Variants in RAD23A observed in about 807,000 individuals in gnomAD.
RAD23A encodes lysine-specific demethylase RAD23A.
RAD23A carries 16 observed loss-of-function variants against 44.8 expected under a neutral mutation model. The ratio of observed to expected loss-of-function variants is 0.36; its 90% CI spans 0.24 to 0.54. RAD23A has a LOEUF of 0.54. Among genes scored for constraint, RAD23A ranks in the 20% least tolerant of loss-of-function variants. RAD23A has a pLI of 0.89. For synonymous variants in RAD23A, 217 were observed against 202.9 expected, an observed-to-expected ratio of 1.07 and a Z score of -0.59; for missense variants, 380 against 483.3, an observed-to-expected ratio of 0.79 and a Z score of 2.00.
chr19:12,950,409 T>C (rs1971777182), intron 7 of RAD23A, among the ~76,000 whole-genome samples: 1 of 151,994 alleles, frequency 6.6e-6, no homozygotes, highest in Admixed American at 6.5e-5. Flanking sequence ...GCACTTTCTT[T>C]TCTTTTTTTT....
At position 12,948,838 on chromosome 19, in the gene RAD23A, G is replaced by T; in HGVS notation, c.600+25G>T. The T allele has an allele frequency of 6.3e-7, 1 of 1,581,770 alleles. No individual in the cohort carries two copies. The highest frequency in any genetic ancestry group is 8.6e-7 in the Non-Finnish European group (1 of 1,167,940). On this transcript the variant is annotated intron_variant, in intron 5 of 8. Transcript: ENST00000586534. This position sits in a 1 kb window ranked among gnomAD's most constrained non-coding sequence, Gnocchi z 5.5. ...GGTGAGGTGGGGCTTCCGCCTCCCGGGGAGGCCTTGAGGGAGTACCCGGGC... is the reference window on the plus strand; with the variant it reads ...GGTGAGGTGGGGCTTCCGCCTCCCGTGGAGGCCTTGAGGGAGTACCCGGGC...
chr19:12,947,381 G>A (rs1971697739), intron 1 of RAD23A, among the ~76,000 whole-genome samples: 1 of 152,194 alleles, frequency 6.6e-6, no homozygotes, highest in African/African-American at 2.4e-5. Flanking sequence ...AGCGATGATC[G>A]TGCCACATCA....
chr19:12,946,020 G>A lies in RAD23A; in HGVS notation c.72G>A (p.Thr24=). 6.3e-7 allele frequency: 1 copy of A among 1,598,946 alleles called. No homozygotes were observed. Among genetic ancestry groups the A allele is most frequent in the Non-Finnish European group, 8.5e-7 (1 of 1,175,074 alleles). The change falls in exon 1 of 9, where the codon ACG becomes ACA. Residue 24 remains threonine (T), a splice_region_variant and synonymous_variant. Transcript: ENST00000586534. ...TFKIRMEPDE[T]VKVLKEKIEA... is the part of the protein sequence containing the mutation. ...AGATCCGCATGGAGCCTGACGAGAC[G>A]GTGCGGGCCGGGCCGGAGCCCGGGG...
rs975838473 is a variant in RAD23A at position 12,948,831 on chromosome 19, C to T, written c.600+18C>T. On this transcript the variant is annotated intron_variant, in intron 5 of 8. Coordinates refer to ENST00000586534, the MANE Select transcript of RAD23A (RefSeq NM_005053.4). The surrounding 1 kb of genome is among the most constrained non-coding windows in gnomAD (Gnocchi z 5.5). The stretch of plus-strand genomic sequence containing the variant: ...TGCTCACGGTGAGGTGGGGCTTCCG[C>T]CTCCCGGGGAGGCCTTGAGGGAGTA... The T allele has an allele frequency of 1.9e-6, 3 of 1,586,208 alleles. No homozygotes were observed. Among genetic ancestry groups the T allele is most frequent in the African/African-American group, 1.4e-5 (1 of 73,552 alleles).
Position 12,948,066 on chromosome 19 carries a change from A to G in RAD23A, c.234+57A>G, listed in dbSNP as rs949760457. 3.1e-6 allele frequency: 5 copies of G among 1,608,224 alleles called. No individual in the cohort carries two copies. Among genetic ancestry groups the G allele is most frequent in the African/African-American group, 2.7e-5 (2 of 74,868 alleles). On this transcript the variant is annotated intron_variant, in intron 2 of 8. Coordinates refer to ENST00000586534, the MANE Select transcript of RAD23A (RefSeq NM_005053.4). The surrounding 1 kb of genome is among the most constrained non-coding windows in gnomAD (Gnocchi z 5.5). ...TGGACGAGCTGGGGAGCTGGCAAAGAGCCTGTGTGCCCAGGAGAGATTAGC... is the reference window on the plus strand; with the variant it reads ...TGGACGAGCTGGGGAGCTGGCAAAGGGCCTGTGTGCCCAGGAGAGATTAGC...
At chr19:12,951,301 C>T (rs1971805336) in intron 7 of RAD23A, among the ~76,000 whole-genome samples, 1 of 152,170 alleles carries the variant, frequency 6.6e-6, no homozygotes, top group South Asian at 2.1e-4. Context: ...AAAAGATCCA[C>T]AGACCACGTC....
At position 12,950,411 on chromosome 19, in the gene RAD23A, C is replaced by CT. The variant is rs890518909; in HGVS notation, c.813+1014dup. ...AGATGACTAAAAAGCACTTTCTTTT[C>CT]TTTTTTTTTTTGAGAGGAAATCTCG... On this transcript the variant is annotated intron_variant, in intron 7 of 8. Transcript: ENST00000586534. Among the ~76,000 whole-genome samples the CT allele has an allele frequency of 5.6e-3, 823 of 147,122 alleles. 6 individuals carry two copies. The highest frequency in any genetic ancestry group is 0.018 in the African/African-American group (712 of 40,368).
At position 12,953,081 on chromosome 19, in the gene RAD23A, C is replaced by G; in HGVS notation, c.*32C>G. ...GAAGCCAGGCCACCGAAGCCCCCAC[C>G]CTACCCTTATTCCATGAAAGTTTTA... On this transcript the variant is annotated 3_prime_UTR_variant, in exon 9 of 9. Transcript: ENST00000586534. The G allele has an allele frequency of 1.3e-6, 2 of 1,491,196 alleles. No homozygotes were observed. The highest frequency in any genetic ancestry group is 1.9e-6 in the Non-Finnish European group (2 of 1,072,166). The allele number at this position is 1,491,196 out of a possible 1,614,324, so 92.4% of individuals were successfully genotyped here.
chr19:12,953,250 C>T lies in RAD23A; in HGVS notation c.*201C>T. 2.4e-6 allele frequency: 1 copy of T among 423,596 alleles called. No individual in the cohort carries two copies. Among genetic ancestry groups the T allele is most frequent in the Non-Finnish European group, 4.1e-6 (1 of 245,006 alleles). 26.2% of individuals were successfully genotyped at this position (423,596 alleles called of 1,614,324 possible). Reference sequence around the variant, plus strand: ...CATCTCCCGGGCCAGACAGCTGTCCCCCCGTCCTCCTCCCCAGCCCAGCCT... The same window carrying T: ...CATCTCCCGGGCCAGACAGCTGTCCTCCCGTCCTCCTCCCCAGCCCAGCCT... On this transcript the variant is annotated 3_prime_UTR_variant, in exon 9 of 9. Transcript: ENST00000586534.
intron 7 of RAD23A, among the ~76,000 whole-genome samples, chr19:12,950,149 A>C (rs1044832755): frequency 2.6e-5 from 4 of 151,408 alleles, no homozygotes; most frequent in Non-Finnish European, 4.4e-5. Flanking sequence ...CTCTCCATCA[A>C]AGTGCTCCCT....
chr19:12,951,169 C>T (rs2974754), intron 7 of RAD23A, among the ~76,000 whole-genome samples: 45,391 of 152,116 alleles, frequency 0.3, 8,589 homozygotes, highest in Middle Eastern at 0.45. Flanking sequence ...GGAATAGAGA[C>T]AGGGTCTATG....
At position 12,948,506 on chromosome 19, in the gene RAD23A, C is replaced by A. The variant is rs774709558; in HGVS notation, c.426C>A (p.Pro142=). 4 of 1,592,862 alleles carry A rather than the reference C, an allele frequency of 2.5e-6. No individual in the cohort carries two copies. Among genetic ancestry groups the A allele is most frequent in the Non-Finnish European group, 2.6e-6 (3 of 1,169,432 alleles). ...TSPESVSGSV[P]SSGSSGREED... ...TCTCTTGAATTTGCAGCTCTGTTCC[C>A]TCTTCAGGTAGCAGCGGGCGAGAGG... Residue 142 remains proline, a synonymous_variant, in exon 4 of 9, where the codon CCC becomes CCA. Coordinates refer to ENST00000586534, the MANE Select transcript of RAD23A (RefSeq NM_005053.4). The surrounding 1 kb of genome is among the most constrained non-coding windows in gnomAD (Gnocchi z 5.5).
intron 7 of RAD23A, among the ~76,000 whole-genome samples, chr19:12,950,979 G>A (rs550467163): frequency 2.6e-4 from 39 of 152,260 alleles, no homozygotes; most frequent in African/African-American, 8.2e-4. Flanking sequence ...CAGGAGAATC[G>A]CTTGAACCCA....
At position 12,948,219 on chromosome 19, in the gene RAD23A, C is replaced by A; in HGVS notation, c.277C>A (p.Pro93Thr). ...TACCTCAGCACCCCCAGAGGCCTCACCCACAGCTGCCCCAGAGTCCTCTAC... is the reference window on the plus strand; with the variant it reads ...TACCTCAGCACCCCCAGAGGCCTCAACCACAGCTGCCCCAGAGTCCTCTAC... ...QGTSAPPEAS[P>T]TAAPESSTSF... The change falls in exon 3 of 9, where the codon CCC (proline) becomes ACC (threonine). Residue 93 changes from proline (P) to threonine (T), a missense_variant. Around this residue, in one of 3 missense-constraint regions of RAD23A, gnomAD observed 279 missense variants for 313.7 expected, o/e 0.89. Transcript: ENST00000586534. The surrounding 1 kb of genome is among the most constrained non-coding windows in gnomAD (Gnocchi z 5.5). 3 of 1,614,114 alleles carry A rather than the reference C, an allele frequency of 1.9e-6. No individual in the cohort carries two copies. Among genetic ancestry groups the A allele is most frequent in the South Asian group, 2.2e-5 (2 of 91,088 alleles).
intron 7 of RAD23A, among the ~76,000 whole-genome samples, chr19:12,949,906 C>T (rs1035980186): frequency 1.3e-5 from 2 of 151,814 alleles, no homozygotes; most frequent in Non-Finnish European, 2.9e-5. Context: ...CAAGTAGGTT[C>T]CTCTGGGTTC....
At chr19:12,949,240 G>C in intron 6 of RAD23A, 35 bp from the exon 7 acceptor site, 3 of 1,613,848 alleles carry the variant, frequency 1.9e-6, no homozygotes, top group Non-Finnish European at 2.5e-6. Flanking sequence ...TAGGAGCCCG[G>C]CGTGGTGTCT....
rs371116567 is a variant in RAD23A, at chr19:12,953,150, GAAAAA to G, written c.*106_*110del. 7.6e-6 allele frequency: 6 copies of G among 792,068 alleles called. No homozygotes were observed. In the Admixed American group the frequency reaches 1.1e-4, roughly 14 times the overall value. The allele number at this position is 792,068 out of a possible 1,614,324, so 49.1% of individuals were successfully genotyped here. On this transcript the variant is annotated 3_prime_UTR_variant, in exon 9 of 9. Coordinates refer to ENST00000586534, the MANE Select transcript of RAD23A (RefSeq NM_005053.4). ...TATATTCATGTTTATTTAAGAAATG[GAAAAA>G]AAAATCAAAAATCTTAAAAAAACAA...
intron 1 of RAD23A, 152 bp downstream of exon 1, chr19:12,946,172 C>A (rs1021265674): frequency 9.3e-6 from 7 of 754,566 alleles, no homozygotes; most frequent in African/African-American, 1.9e-5. Flanking sequence ...CCTGGACCCC[C>A]CGATGGTCTT....
rs1426074498 is a variant in RAD23A at position 12,948,664 on chromosome 19, G to A, written c.473-22G>A. ...GCCCTTTCCTCTTCCTGGTGACCTA[G>A]GCTTTGCTGCTTCCTCCACAGTGAC... On this transcript the variant is annotated intron_variant, in intron 4 of 8. Transcript: ENST00000586534. The surrounding 1 kb of genome is among the most constrained non-coding windows in gnomAD (Gnocchi z 5.5). The A allele has an allele frequency of 1.2e-6, 2 of 1,606,102 alleles. No homozygotes were observed. The highest frequency in any genetic ancestry group is 1.7e-6 in the Non-Finnish European group (2 of 1,176,948).
Sources: gnomAD v4.1 joint callset for allele counts (sites outside exome capture counted in the v4.1 genomes callset) on GRCh38, gnomAD v4.1.1 for gene constraint, gnomAD v4.1.1 regional missense constraint, Gnocchi (gnomAD v3.1) non-coding constraint, MANE v1.5 for transcripts, NCBI Gene and HGNC (gene_info 2026-07-23, HGNC 2026-07-21) for gene names.